Variants in MAD1L1 observed in about 807,000 individuals in gnomAD.
MAD1L1 encodes mitotic arrest deficient 1 like 1.
A neutral mutation model predicts 96.9 loss-of-function variants in MAD1L1; 95 were observed. That is an observed-to-expected ratio of 0.98 (90% CI 0.83 to 1.16). MAD1L1 has a LOEUF of 1.16. MAD1L1 is among the 50% of genes most tolerant of loss of function. The pLI is 0.00. For missense variants in MAD1L1, 1,007 were observed against 954.4 expected (o/e 1.06, Z -0.73); for synonymous variants, 473 against 396.6 (o/e 1.19, Z -2.29).
In MAD1L1 at chr7:1,972,277, T is replaced by C. The variant is rs557892221; in HGVS notation, c.1505+8176A>G. 5.9e-5 allele frequency among the ~76,000 whole-genome samples: 9 copies of C among 152,370 alleles called. No homozygotes were observed. The South Asian group carries it at 1.9e-3, about 32-fold the overall frequency. The stretch of plus-strand genomic sequence containing the variant: ...AATCTCTTCAATTTTCTGTGTCAAA[T>C]TGATCTTAATTATTAACTGTTTGGT... On this transcript the variant is annotated intron_variant, in intron 15 of 18. Coordinates refer to ENST00000265854, the MANE Select transcript of MAD1L1 (RefSeq NM_001013836.2).
intron 11 of MAD1L1, among the ~76,000 whole-genome samples, chr7:2,111,922 G>A (rs1787403261): frequency 6.6e-6 from 1 of 152,214 alleles, no homozygotes; most frequent in Non-Finnish European, 1.5e-5. Context: ...ATGTGCTCAA[G>A]GAAAAGTAAG....
intron 1 of MAD1L1, among the ~76,000 whole-genome samples, chr7:2,231,765 G>C (rs73291569): frequency 0.014 from 2,179 of 152,114 alleles, 52 homozygotes; most frequent in African/African-American, 0.05. Context: ...TTTTCAACTA[G>C]GTATCAGAAA....
At chr7:2,048,211 GCT>G (rs1209381241) in intron 12 of MAD1L1, among the ~76,000 whole-genome samples, 1 of 152,256 alleles carries the variant, frequency 6.6e-6, no homozygotes, top group Non-Finnish European at 1.5e-5. Context: ...GCACACGCGT[GCT>G]CTCAGACACC....
intron 17 of MAD1L1, among the ~76,000 whole-genome samples, chr7:1,926,141 T>C (rs967775839): frequency 6.6e-6 from 1 of 152,162 alleles, no homozygotes; most frequent in African/African-American, 2.4e-5. Flanking sequence ...TCACTGCTCA[T>C]ACATTTGATC....
chr7:2,103,540 G>A lies in MAD1L1; in HGVS notation c.1074-34202C>T, dbSNP rs1786927782. On this transcript the variant is annotated intron_variant, in intron 11 of 18. Coordinates refer to ENST00000265854, the MANE Select transcript of MAD1L1 (RefSeq NM_001013836.2). This position sits in a 1 kb window ranked among gnomAD's most constrained non-coding sequence, Gnocchi z 4.3. ...GACCACCGTGCTCTTTGTTGGGCGGGGCAACCGCAGATGGGCCAGCACTGG... is the reference window on the plus strand; with the variant it reads ...GACCACCGTGCTCTTTGTTGGGCGGAGCAACCGCAGATGGGCCAGCACTGG... 6.6e-6 allele frequency among the ~76,000 whole-genome samples: 1 copy of A among 152,128 alleles called. No homozygotes were observed. The highest frequency in any genetic ancestry group is 2.4e-5 in the African/African-American group (1 of 41,442).
intron 12 of MAD1L1, among the ~76,000 whole-genome samples, chr7:2,059,912 C>A (rs963602982): frequency 6.6e-6 from 1 of 152,136 alleles, no homozygotes. Flanking sequence ...TGTTCAAATA[C>A]GCAGGGCAGA....
intron 11 of MAD1L1, among the ~76,000 whole-genome samples, chr7:2,102,799 T>C (rs1005439029): frequency 1.3e-5 from 2 of 151,968 alleles, no homozygotes; most frequent in South Asian, 2.1e-4. Flanking sequence ...GCCGTCACCG[T>C]CTCCACCGTC....
At chr7:1,887,657 GTGCATGTGTGTGTGAGCATGAA>G (rs1221347633) in intron 18 of MAD1L1, among the ~76,000 whole-genome samples, 80 of 134,556 alleles carry the variant, frequency 5.9e-4, no homozygotes, top group Non-Finnish European at 1.1e-3. Context: ...GTGGGTGCCT[GTGCATGTGTGTGTGAGCATGAA>G]TGCATGTGGG....
chr7:2,047,245 C>T (rs1249203031), intron 12 of MAD1L1, among the ~76,000 whole-genome samples: 1 of 152,200 alleles, frequency 6.6e-6, no homozygotes, highest in African/African-American at 2.4e-5. Context: ...ACACCGCTTG[C>T]TCTGAGCCGC....
intron 18 of MAD1L1, among the ~76,000 whole-genome samples, chr7:1,817,901 T>C (rs1363359447): frequency 6.6e-6 from 1 of 151,918 alleles, no homozygotes; most frequent in Admixed American, 6.6e-5. Flanking sequence ...CTCACCACCT[T>C]TGGAGCACGT....
chr7:2,053,039 A>G (rs964500045), intron 12 of MAD1L1, among the ~76,000 whole-genome samples: 1 of 152,186 alleles, frequency 6.6e-6, no homozygotes, highest in Non-Finnish European at 1.5e-5. Flanking sequence ...CTGAAGGCCG[A>G]GCCGTCCCTG....
chr7:1,856,540 G>T (rs1209516778), intron 18 of MAD1L1, among the ~76,000 whole-genome samples: 2 of 152,230 alleles, frequency 1.3e-5, no homozygotes, highest in Non-Finnish European at 2.9e-5. Flanking sequence ...TTCTCATTGG[G>T]GCCTGCTCGC....
intron 15 of MAD1L1, among the ~76,000 whole-genome samples, chr7:1,962,111 TC>T (rs1428242846): frequency 6.6e-6 from 1 of 152,194 alleles, no homozygotes; most frequent in Non-Finnish European, 1.5e-5. Context: ...TAGGGCGGTT[TC>T]CCCCATACCA....
chr7:2,102,161 CACCAACACTGCCACTGTCACCACA>C (rs1786812721), intron 11 of MAD1L1, among the ~76,000 whole-genome samples: 2 of 152,206 alleles, frequency 1.3e-5, no homozygotes, highest in South Asian at 4.1e-4. Context: ...CCACCATCAT[CACCAACACTGCCACTGTCACCACA>C]ACCACCATCA....
At chr7:2,009,930 C>T (rs551859315) in intron 13 of MAD1L1, among the ~76,000 whole-genome samples, 9 of 152,202 alleles carry the variant, frequency 5.9e-5, no homozygotes, top group South Asian at 4.1e-4. Context: ...ACAGACGCCC[C>T]GTTCTGGGAA....
intron 12 of MAD1L1, among the ~76,000 whole-genome samples, chr7:2,034,801 G>A (rs546572917): frequency 6.6e-6 from 1 of 152,346 alleles, no homozygotes; most frequent in Non-Finnish European, 1.5e-5. Flanking sequence ...TGAAATGCAT[G>A]CCATGTTCTT....
intron 15 of MAD1L1, among the ~76,000 whole-genome samples, chr7:1,960,023 A>C (rs1779887887): frequency 1.3e-5 from 2 of 152,236 alleles, no homozygotes; most frequent in Admixed American, 1.3e-4. Flanking sequence ...AATGTATGAC[A>C]ACAGTATAAA....
intron 14 of MAD1L1, among the ~76,000 whole-genome samples, chr7:1,985,210 C>A (rs1781083094): frequency 6.6e-6 from 1 of 152,242 alleles, no homozygotes; most frequent in South Asian, 2.1e-4. Flanking sequence ...CATGGGTAGG[C>A]CTCCTCCAAC....
intron 16 of MAD1L1, among the ~76,000 whole-genome samples, chr7:1,939,838 C>T (rs1778859917): frequency 6.6e-6 from 1 of 152,204 alleles, no homozygotes; most frequent in Non-Finnish European, 1.5e-5. Context: ...ACGGCGAGGC[C>T]TGGCTTGGGC....
Sources: allele counts gnomAD v4.1 joint callset (sites outside exome capture counted in the v4.1 genomes callset), GRCh38; gene constraint gnomAD v4.1.1; non-coding constraint Gnocchi (gnomAD v3.1); transcripts MANE v1.5; gene names NCBI Gene and HGNC (gene_info 2026-07-23, HGNC 2026-07-21).